MAP3K5: variants seen among roughly 807,000 people sequenced by gnomAD.
MAP3K5 encodes ASK-1.
MAP3K5 carries 56 observed loss-of-function variants against 158.7 expected under a neutral mutation model. The ratio of observed to expected loss-of-function variants is 0.35; its 90% CI spans 0.28 to 0.44. MAP3K5 has a LOEUF of 0.44. Among genes scored for constraint, MAP3K5 ranks in the 20% least tolerant of loss-of-function variants. The pLI is 1.00. For synonymous variants in MAP3K5, 579 were observed against 601.7 expected, an observed-to-expected ratio of 0.96 and a Z score of 0.55; for missense variants, 1,294 against 1,674.8, an observed-to-expected ratio of 0.77 and a Z score of 3.97.
At chr6:136,624,491 A>C (rs2099854208) in intron 14 of MAP3K5, among the ~76,000 whole-genome samples, 1 of 152,244 alleles carries the variant, frequency 6.6e-6, no homozygotes, top group Admixed American at 6.5e-5. Flanking sequence ...CTCTGTATCC[A>C]GATACAGATT....
chr6:136,759,481 T>TATATATATATATATAA (rs1158953652), intron 1 of MAP3K5, among the ~76,000 whole-genome samples: 9 of 143,016 alleles, frequency 6.3e-5, no homozygotes, highest in African/African-American at 2.1e-4. Context: ...TATATATATA[T>TATATATATATATATAA]AAAGTTTGAG....
chr6:136,711,501 C>CA (rs1433858117), intron 2 of MAP3K5, among the ~76,000 whole-genome samples: 5 of 151,734 alleles, frequency 3.3e-5, no homozygotes, highest in Non-Finnish European at 5.9e-5. Context: ...CCCATCTCTA[C>CA]AAAAAAATAC....
intron 1 of MAP3K5, among the ~76,000 whole-genome samples, chr6:136,742,377 A>C (rs1283426830): frequency 1.3e-5 from 2 of 152,184 alleles, no homozygotes; most frequent in East Asian, 3.8e-4. Context: ...CAATATAATG[A>C]AACAAGGATA....
intron 2 of MAP3K5, among the ~76,000 whole-genome samples, chr6:136,708,933 C>T (rs115441453): frequency 1.4e-4 from 22 of 152,222 alleles, no homozygotes; most frequent in African/African-American, 4.8e-4. Context: ...CGAGGAAATG[C>T]CCTCTCCGTC....
chr6:136,580,091 G>T (rs964894710), intron 25 of MAP3K5, among the ~76,000 whole-genome samples: 1 of 152,096 alleles, frequency 6.6e-6, no homozygotes, highest in South Asian at 2.1e-4. Flanking sequence ...TTAAAGACAG[G>T]GGAAGCAAGT....
chr6:136,625,616 T>C (rs1028201982), intron 14 of MAP3K5, among the ~76,000 whole-genome samples: 10 of 152,314 alleles, frequency 6.6e-5, no homozygotes, highest in Admixed American at 3.9e-4. Context: ...CTTATTATAA[T>C]ACTCATAATT....
At chr6:136,723,697 G>A (rs1781839100) in intron 1 of MAP3K5, among the ~76,000 whole-genome samples, 1 of 152,160 alleles carries the variant, frequency 6.6e-6, no homozygotes, top group African/African-American at 2.4e-5. Flanking sequence ...TTGGTGCAAA[G>A]TCCACCTTGT....
chr6:136,568,870 A>C (rs577878524), intron 25 of MAP3K5, among the ~76,000 whole-genome samples: 72 of 151,742 alleles, frequency 4.7e-4, no homozygotes, highest in African/African-American at 1.5e-3. Context: ...AAAAAAAAAA[A>C]AAAAAAAAAA....
chr6:136,757,579 A>ATTTATTTTTTTTTTTTTTTTTTTT (rs1562679137), intron 1 of MAP3K5, among the ~76,000 whole-genome samples: 1 of 111,972 alleles, frequency 8.9e-6, no homozygotes. Flanking sequence ...TTATTTATTT[A>ATTTATTTTTTTTTTTTTTTTTTTT]TTTTTTATTT....
chr6:136,558,213 C>T (rs1257894620), intron 29 of MAP3K5, among the ~76,000 whole-genome samples: 7 of 152,034 alleles, frequency 4.6e-5, no homozygotes, highest in Admixed American at 1.3e-4. Context: ...CCCGTCTCTA[C>T]TAAAAATACA....
intron 7 of MAP3K5, among the ~76,000 whole-genome samples, chr6:136,676,687 C>G (rs1352859454): frequency 3.3e-5 from 5 of 151,634 alleles, no homozygotes; most frequent in African/African-American, 1.2e-4. Flanking sequence ...GAAGCTTAGT[C>G]ATAGCAAGCA....
intron 1 of MAP3K5, among the ~76,000 whole-genome samples, chr6:136,743,377 G>T (rs368476911): frequency 6.6e-6 from 1 of 151,376 alleles, no homozygotes. Flanking sequence ...ATGAACCCGG[G>T]AGGCGGAGGT....
intron 19 of MAP3K5, among the ~76,000 whole-genome samples, chr6:136,603,751 GGA>G (rs1775982024): frequency 6.6e-6 from 1 of 152,192 alleles, no homozygotes; most frequent in Non-Finnish European, 1.5e-5. Context: ...CCTAGACACT[GGA>G]GAAAACCTGA....
At chr6:136,654,511 G>A (rs188016208) in intron 10 of MAP3K5, among the ~76,000 whole-genome samples, 46 of 152,128 alleles carry the variant, frequency 3.0e-4, no homozygotes, top group Admixed American at 5.2e-4. Context: ...CAATGGCATG[G>A]TATCGGCTCA....
chr6:136,723,999 C>T (rs1001755668), intron 1 of MAP3K5, among the ~76,000 whole-genome samples: 6 of 152,168 alleles, frequency 3.9e-5, no homozygotes, highest in African/African-American at 1.4e-4. Context: ...GCTTCCTCCT[C>T]CCACAGGTGC....
intron 7 of MAP3K5, among the ~76,000 whole-genome samples, chr6:136,674,628 T>C (rs1583395943): frequency 6.6e-6 from 1 of 152,020 alleles, no homozygotes; most frequent in African/African-American, 2.4e-5. Context: ...ACATTAAATG[T>C]AAATGATCTA....
intron 23 of MAP3K5, among the ~76,000 whole-genome samples, chr6:136,589,757 T>C (rs1395704137): frequency 6.6e-6 from 1 of 151,946 alleles, no homozygotes; most frequent in Non-Finnish European, 1.5e-5. Flanking sequence ...CACATGATAA[T>C]AAGAAGGTGG....
intron 2 of MAP3K5, among the ~76,000 whole-genome samples, chr6:136,718,207 T>C (rs147556268): frequency 1.3e-5 from 2 of 152,242 alleles, no homozygotes; most frequent in East Asian, 3.9e-4. Context: ...TTATTATTAT[T>C]CTTTGTTTTG....
In MAP3K5 at chr6:136,694,312, T is replaced by C; in HGVS notation, c.1083-2A>G. 1 of 1,607,126 alleles carries C rather than the reference T, an allele frequency of 6.2e-7. No homozygotes were observed. The highest frequency in any genetic ancestry group is 8.5e-7 in the Non-Finnish European group (1 of 1,178,888). ...GCTCTGTCACCAGGGAGATTTCTCC[T>C]AAGGCAGAAAACATTGTTGTTTCAA... On this transcript the variant is annotated splice_acceptor_variant, in intron 6 of 29. Coordinates refer to ENST00000359015, the MANE Select transcript of MAP3K5 (RefSeq NM_005923.4). LOFTEE classifies it high-confidence loss of function.
Sources: gnomAD v4.1 joint callset for allele counts (sites outside exome capture counted in the v4.1 genomes callset) on GRCh38, gnomAD v4.1.1 for gene constraint, MANE v1.5 for transcripts, NCBI Gene and HGNC (gene_info 2026-07-23, HGNC 2026-07-21) for gene names.